Variants in NTNG1 observed in about 807,000 individuals in gnomAD.
NTNG1 encodes the protein netrin G1.
NTNG1 carries 16 observed loss-of-function variants against 54.0 expected under a neutral mutation model. That is an observed-to-expected ratio of 0.30 (90% confidence interval 0.20 to 0.45). NTNG1 has a LOEUF of 0.45. NTNG1 is among the 20% of genes least tolerant of loss of function. The pLI is 1.00. For missense variants in NTNG1, 530 were observed against 678.7 expected, an observed-to-expected ratio of 0.78 and a Z score of 2.43; for synonymous variants, 255 against 263.1, an observed-to-expected ratio of 0.97 and a Z score of 0.30.
At chr1:107,382,764 C>CCT (rs138605469) in intron 3 of NTNG1, among the ~76,000 whole-genome samples, 3,061 of 149,162 alleles carry the variant, frequency 0.021, 39 homozygotes, top group Non-Finnish European at 0.029. Context: ...TTTCCCTTTT[C>CCT]CTCTCTCTCT....
chr1:107,179,582 T>C (rs1656917180), intron 2 of NTNG1, among the ~76,000 whole-genome samples: 1 of 152,070 alleles, frequency 6.6e-6, no homozygotes, highest in Admixed American at 6.6e-5. Context: ...TCCGAGTAGA[T>C]TTGTTTTTGT....
intron 2 of NTNG1, among the ~76,000 whole-genome samples, chr1:107,305,065 T>C (rs1221658221): frequency 6.6e-6 from 1 of 152,152 alleles, no homozygotes; most frequent in Non-Finnish European, 1.5e-5. Context: ...AAGACATGAA[T>C]TTATCTTTTT....
intron 2 of NTNG1, among the ~76,000 whole-genome samples, chr1:107,226,623 G>A (rs1431538359): frequency 1.3e-5 from 2 of 152,084 alleles, no homozygotes; most frequent in Non-Finnish European, 2.9e-5. Context: ...CATCAGCCCA[G>A]GGGTGAAATT....
intron 6 of NTNG1, among the ~76,000 whole-genome samples, chr1:107,433,267 G>A (rs1039725452): frequency 2.6e-5 from 4 of 152,192 alleles, no homozygotes; most frequent in African/African-American, 9.6e-5. Flanking sequence ...CATTAGGCCA[G>A]GTGCAATGGC....
chr1:107,464,204 T>TTGTCC (rs1677456627), intron 7 of NTNG1, among the ~76,000 whole-genome samples: 1 of 152,240 alleles, frequency 6.6e-6, no homozygotes, highest in Admixed American at 6.5e-5. Context: ...ATAAACTGCT[T>TTGTCC]TGCTTTGTCT....
intron 3 of NTNG1, 60 bp from the exon 4 acceptor site, chr1:107,395,094 C>T (rs773090564): frequency 1.4e-6 from 2 of 1,386,842 alleles, no homozygotes; most frequent in Non-Finnish European, 2.0e-6. Flanking sequence ...TCAGGGAAGC[C>T]TCAGTGGTCA....
chr1:107,163,919 G>T lies in NTNG1; in HGVS notation c.246+15080G>T, dbSNP rs908608060. Among the ~76,000 whole-genome samples the T allele has an allele frequency of 6.6e-5, 10 of 152,292 alleles. No homozygotes were observed. In the South Asian group the frequency reaches 8.3e-4, roughly 13 times the overall value. ...TTCCTGCTGCATGGGAAATGGAAAT[G>T]CTAGGTTCTAAATCAATTATTTTGG... On this transcript the variant is annotated intron_variant, in intron 2 of 7. Transcript: ENST00000370068.
chr1:107,234,397 A>G (rs1661267971), intron 2 of NTNG1, among the ~76,000 whole-genome samples: 1 of 152,150 alleles, frequency 6.6e-6, no homozygotes, highest in East Asian at 1.9e-4. Flanking sequence ...TGCTGGGATT[A>G]CAGGCATGAG....
chr1:107,399,423 T>G (rs557380913), intron 4 of NTNG1, among the ~76,000 whole-genome samples: 1 of 152,342 alleles, frequency 6.6e-6, no homozygotes, highest in African/African-American at 2.4e-5. Context: ...TGACATTATT[T>G]GTTCATAAAT....
intron 2 of NTNG1, among the ~76,000 whole-genome samples, chr1:107,211,497 C>T (rs1472722485): frequency 6.6e-6 from 1 of 152,086 alleles, no homozygotes; most frequent in Non-Finnish European, 1.5e-5. Context: ...ACAATGATTA[C>T]TTGACCCTTT....
At chr1:107,271,766 G>C (rs1337888545) in intron 2 of NTNG1, among the ~76,000 whole-genome samples, 1 of 152,060 alleles carries the variant, frequency 6.6e-6, no homozygotes, top group Admixed American at 6.6e-5. Context: ...ACTAATCAGA[G>C]ACAAGAATAT....
intron 2 of NTNG1, among the ~76,000 whole-genome samples, chr1:107,190,277 G>A (rs545476906): frequency 6.6e-6 from 1 of 152,190 alleles, no homozygotes; most frequent in Admixed American, 6.5e-5. Flanking sequence ...TAATTCCACT[G>A]AATTGCACAC....
chr1:107,345,824 T>C (rs1669186469), intron 3 of NTNG1, among the ~76,000 whole-genome samples: 1 of 152,186 alleles, frequency 6.6e-6, no homozygotes, highest in African/African-American at 2.4e-5. Context: ...GTTATGTATG[T>C]GACATGGTGA....
intron 2 of NTNG1, among the ~76,000 whole-genome samples, chr1:107,172,885 C>T (rs1656357635): frequency 6.6e-6 from 1 of 152,104 alleles, no homozygotes; most frequent in Admixed American, 6.6e-5. Flanking sequence ...TTTTTCTTGG[C>T]AGACTCTAAA....
rs562097088 is a variant in NTNG1 at position 107,191,124 on chromosome 1, C to T, written c.246+42285C>T. On this transcript the variant is annotated intron_variant, in intron 2 of 7. Transcript: ENST00000370068. ...ACTTTTTAATGATCGCCATTCTAAC[C>T]GGTGTGAGATGATATCTCATTGTGG... Among the ~76,000 whole-genome samples the T allele has an allele frequency of 2.0e-3, 306 of 150,594 alleles. 2 individuals are homozygous for T. Among genetic ancestry groups the T allele is most frequent in the African/African-American group, 6.6e-3 (267 of 40,558 alleles).
At position 107,436,680 on chromosome 1, in the gene NTNG1, C is replaced by G. The variant is rs1400654766; in HGVS notation, c.1271C>G (p.Pro424Arg). The change falls in exon 7 of 8, where the codon CCT (proline) becomes CGT (arginine). Residue 424 changes from proline (P) to arginine (R), a missense_variant. Physicochemically the swap from Pro to Arg is moderately radical, Grantham distance 103. Transcript: ENST00000370068. ...GTTTCTACAGAGTGTTATTGTAACCCTTTGGGCTCAATCCATGATCGTTGT... is the reference window on the plus strand; with the variant it reads ...GTTTCTACAGAGTGTTATTGTAACCGTTTGGGCTCAATCCATGATCGTTGT... Reference protein sequence around the residue: ...ENVCIECYCNPLGSIHDRCNG... With the variant: ...ENVCIECYCNRLGSIHDRCNG... The G allele has an allele frequency of 1.2e-6, 2 of 1,613,440 alleles. No homozygotes were observed. The highest frequency in any genetic ancestry group is 4.5e-5 in the East Asian group (2 of 44,812).
rs563308921 is a variant in NTNG1, at chr1:107,225,519, C to G, written c.246+76680C>G. Among the ~76,000 whole-genome samples the G allele has an allele frequency of 3.7e-3, 561 of 152,172 alleles. 3 individuals carry two copies. Among genetic ancestry groups the G allele is most frequent in the Non-Finnish European group, 4.5e-3 (303 of 67,994 alleles). ...TTTAGACAGATCTGTGTTTGAGTGC[C>G]TGATGAATCACTTTACTATCTGTGA... is the stretch of plus-strand genomic sequence containing the variant. On this transcript the variant is annotated intron_variant, in intron 2 of 7. Transcript: ENST00000370068.
chr1:107,376,813 C>T (rs1211976884), intron 3 of NTNG1, among the ~76,000 whole-genome samples: 1 of 152,148 alleles, frequency 6.6e-6, no homozygotes, highest in African/African-American at 2.4e-5. Flanking sequence ...TGCTGCCCCC[C>T]CAGCCACCAG....
At chr1:107,271,797 A>G (rs893765941) in intron 2 of NTNG1, among the ~76,000 whole-genome samples, 1 of 152,222 alleles carries the variant, frequency 6.6e-6, no homozygotes, top group African/African-American at 2.4e-5. Context: ...GCTTTGCAGA[A>G]TAACACTCCA....
Sources: allele counts gnomAD v4.1 joint callset (sites outside exome capture counted in the v4.1 genomes callset), GRCh38; gene constraint gnomAD v4.1.1; transcripts MANE v1.5; gene names NCBI Gene and HGNC (gene_info 2026-07-23, HGNC 2026-07-21).